The following RASGRF2 variants were observed in gnomAD, a reference collection of about 807,000 sequenced individuals.
The protein encoded by RASGRF2 is Ras protein specific guanine nucleotide releasing factor 2, also known as ras-specific guanine nucleotide-releasing factor 2.
Under a neutral mutation model 151.0 loss-of-function variants are expected in RASGRF2, and 76 were observed. The ratio of observed to expected loss-of-function variants is 0.50; its 90% CI spans 0.42 to 0.61. The LOEUF (loss-of-function observed/expected upper bound fraction) is 0.61, where lower values mean the gene tolerates loss of function less well. RASGRF2 is among the 20% of genes least tolerant of loss of function. The probability of loss-of-function intolerance (pLI) is 0.00; values close to 1 mark genes in which losing one functional copy is unlikely to be tolerated. For missense variants in RASGRF2, 1,148 were observed against 1,564.6 expected, an observed-to-expected ratio of 0.73 and a Z score of 4.49; for synonymous variants, 504 against 566.5, an observed-to-expected ratio of 0.89 and a Z score of 1.57.
At chr5:80,992,080 C>T (rs886639750) in intron 1 of RASGRF2, among the ~76,000 whole-genome samples, 5 of 149,074 alleles carry the variant, frequency 3.4e-5, no homozygotes, top group African/African-American at 1.2e-4. Context: ...ATGATGTCTC[C>T]ACCTCCTCCC....
chr5:81,093,964 G>A (rs747333149), intron 10 of RASGRF2, among the ~76,000 whole-genome samples: 1 of 152,022 alleles, frequency 6.6e-6, no homozygotes, highest in Non-Finnish European at 1.5e-5. Context: ...TACTGCTTAA[G>A]CCACTTCCTG....
chr5:81,100,535 T>A (rs1752672550), intron 12 of RASGRF2, among the ~76,000 whole-genome samples: 1 of 152,226 alleles, frequency 6.6e-6, no homozygotes, highest in Admixed American at 6.5e-5. Context: ...AACCAATAAT[T>A]CTTCCCCTTT....
intron 1 of RASGRF2, among the ~76,000 whole-genome samples, chr5:80,966,185 C>T (rs938580181): frequency 2.0e-5 from 3 of 151,782 alleles, no homozygotes; most frequent in Non-Finnish European, 2.9e-5. Flanking sequence ...CTTTGTTAGG[C>T]GGTTATATAT....
At chr5:81,087,587 CTG>C (rs972878521) in intron 9 of RASGRF2, 1 of 559,458 alleles carries the variant, frequency 1.8e-6, no homozygotes, top group African/African-American at 1.9e-5. Context: ...GTGCCGGAAA[CTG>C]TGGAGAAGCA....
At chr5:81,110,965 C>T (rs1752976497) in intron 13 of RASGRF2, among the ~76,000 whole-genome samples, 1 of 152,200 alleles carries the variant, frequency 6.6e-6, no homozygotes, top group Non-Finnish European at 1.5e-5. Flanking sequence ...TGAAGCTGCT[C>T]ATTGAAAATG....
intron 13 of RASGRF2, 92 bp from the exon 14 acceptor site, chr5:81,112,518 C>A (rs997899034): frequency 3.1e-5 from 48 of 1,531,668 alleles, no homozygotes; most frequent in Non-Finnish European, 2.1e-5. Context: ...AAGCCCACTC[C>A]TGAGTGTGTG....
intron 17 of RASGRF2, among the ~76,000 whole-genome samples, chr5:81,158,437 T>A (rs1266164996): frequency 6.6e-6 from 1 of 152,160 alleles, no homozygotes; most frequent in African/African-American, 2.4e-5. Context: ...GATCTATAAA[T>A]TTTAAAATTT....
intron 1 of RASGRF2, among the ~76,000 whole-genome samples, chr5:81,033,734 A>G (rs982329260): frequency 1.6e-4 from 24 of 152,344 alleles, no homozygotes; most frequent in Non-Finnish European, 2.1e-4. Flanking sequence ...GGACATAGGC[A>G]TGGGCAAGGA....
rs1322153697 is a variant in RASGRF2 at position 80,960,767 on chromosome 5, G to A, written c.29G>A (p.Gly10Glu). ...CAGAAGAGCGTGCGCTACAACGAGG[G>A]GCACGCCCTGTACCTGGCCTTTCTG... MQKSVRYNE[G>E]HALYLAFLAR... Residue 10 changes from glycine (G) to glutamate (E), a missense_variant, in exon 1 of 27, where the codon GGG (glycine) becomes GAG (glutamate). By Grantham distance (98) the Gly-to-Glu change is moderately conservative. Transcript: ENST00000265080. This position sits in a 1 kb window ranked among gnomAD's most constrained non-coding sequence, Gnocchi z 5.5. 7 of 1,607,230 alleles carry A rather than the reference G, an allele frequency of 4.4e-6. No individual in the cohort carries two copies. The highest frequency in any genetic ancestry group is 5.1e-6 in the Non-Finnish European group (6 of 1,175,830).
At chr5:81,106,834 C>A (rs1752859419) in intron 12 of RASGRF2, among the ~76,000 whole-genome samples, 2 of 152,280 alleles carry the variant, frequency 1.3e-5, no homozygotes, top group Admixed American at 1.3e-4. Context: ...TTCCAACTTC[C>A]TGATGCTCAC....
Position 81,207,338 on chromosome 5 carries a change from C to T in RASGRF2, c.3060C>T (p.Ser1020=), listed in dbSNP as rs1213771091. 6.2e-7 allele frequency: 1 copy of T among 1,613,920 alleles called. No individual in the cohort carries two copies. The highest frequency in any genetic ancestry group is 1.1e-5 in the South Asian group (1 of 91,062). The change falls in exon 21 of 27, where the codon AGC becomes AGT. Residue 1020 remains serine (S), a synonymous_variant. Transcript: ENST00000265080. The part of the protein sequence containing the change: ...ITLLDHVIFR[S]IPYEEFLGQG... ...TCCTGGACCATGTCATTTTCAGAAG[C>T]ATTCCCTACGAGTGAGTGCCACCCC... is the stretch of plus-strand genomic sequence containing the variant.
chr5:81,168,860 G>A (rs551488675), intron 17 of RASGRF2, among the ~76,000 whole-genome samples: 42 of 152,284 alleles, frequency 2.8e-4, no homozygotes, highest in Non-Finnish European at 5.4e-4. Context: ...TTGACACAGC[G>A]ATCACTTCTT....
At chr5:81,052,565 T>C (rs450811) in intron 2 of RASGRF2, among the ~76,000 whole-genome samples, 131,060 of 152,158 alleles carry the variant, frequency 0.86, 56,875 homozygotes, top group Non-Finnish European at 0.92. Flanking sequence ...GAGGGAAGAG[T>C]CTGTCAGTAG....
At chr5:80,961,096 G>A in intron 1 of RASGRF2, 70 bp downstream of exon 1, 5 of 1,378,146 alleles carry the variant, frequency 3.6e-6, no homozygotes, top group Non-Finnish European at 4.7e-6. Context: ...CTAATCCGGG[G>A]ATCAGGGGTC....
chr5:81,044,597 TA>T (rs1050142877), intron 2 of RASGRF2, among the ~76,000 whole-genome samples: 2 of 152,236 alleles, frequency 1.3e-5, no homozygotes, highest in African/African-American at 4.8e-5. Context: ...CCAAGTGTTT[TA>T]TGTACTTATC....
intron 17 of RASGRF2, among the ~76,000 whole-genome samples, chr5:81,145,628 T>G (rs1297071988): frequency 1.3e-5 from 2 of 152,114 alleles, no homozygotes; most frequent in African/African-American, 4.8e-5. Context: ...AGCTACCAAG[T>G]CATGAGGAGA....
chr5:81,197,693 A>C (rs1370111191), intron 18 of RASGRF2, among the ~76,000 whole-genome samples: 1 of 152,206 alleles, frequency 6.6e-6, no homozygotes, highest in African/African-American at 2.4e-5. Context: ...ATCATTTAAA[A>C]GGATTCAGAA....
intron 18 of RASGRF2, among the ~76,000 whole-genome samples, chr5:81,200,872 G>A (rs1755372506): frequency 2.0e-5 from 3 of 152,182 alleles, no homozygotes; most frequent in Admixed American, 6.5e-5. Context: ...TCCAGGCTAT[G>A]AGAAGCACAT....
chr5:81,222,347 C>T (rs562326696), intron 26 of RASGRF2, among the ~76,000 whole-genome samples: 1 of 152,336 alleles, frequency 6.6e-6, no homozygotes, highest in South Asian at 2.1e-4. Context: ...GTGAGAGACA[C>T]ACTTTCTTTT....
Sources: allele counts gnomAD v4.1 joint callset (sites outside exome capture counted in the v4.1 genomes callset), GRCh38; gene constraint gnomAD v4.1.1; non-coding constraint Gnocchi (gnomAD v3.1); transcripts MANE v1.5; gene names NCBI Gene and HGNC (gene_info 2026-07-23, HGNC 2026-07-21).